The following CARMIL1 variants were observed in gnomAD, a reference collection of about 807,000 sequenced individuals.
CARMIL1 encodes the protein F-actin-uncapping protein LRRC16A.
CARMIL1 carries 90 observed loss-of-function variants against 177.1 expected under a neutral mutation model. The ratio of observed to expected loss-of-function variants is 0.51; its 90% CI spans 0.43 to 0.61. The LOEUF is 0.61. Among genes scored for constraint, CARMIL1 ranks in the 20% least tolerant of loss-of-function variants. CARMIL1 has a pLI of 0.00. For synonymous variants in CARMIL1, 577 were observed against 606.2 expected, an observed-to-expected ratio of 0.95 and a Z score of 0.71; for missense variants, 1,380 against 1,667.0, an observed-to-expected ratio of 0.83 and a Z score of 3.00.
intron 31 of CARMIL1, among the ~76,000 whole-genome samples, chr6:25,585,292 GTTGT>G (rs1466757778): frequency 6.6e-6 from 1 of 152,100 alleles, no homozygotes; most frequent in Non-Finnish European, 1.5e-5. Flanking sequence ...AACAATTATC[GTTGT>G]TTTTCTTCCT....
chr6:25,518,408 G>T (rs1806222697), intron 22 of CARMIL1, among the ~76,000 whole-genome samples: 1 of 152,108 alleles, frequency 6.6e-6, no homozygotes. Context: ...AAATCCTGTG[G>T]CTCTACTTCA....
chr6:25,560,250 T>A (rs1422118546), intron 29 of CARMIL1, among the ~76,000 whole-genome samples: 1 of 152,214 alleles, frequency 6.6e-6, no homozygotes, highest in African/African-American at 2.4e-5. Flanking sequence ...GAATTTTGTT[T>A]GTTTCCCATA....
At chr6:25,538,032 T>A in intron 25 of CARMIL1, 49 bp downstream of exon 25, 5 of 1,515,568 alleles carry the variant, frequency 3.3e-6, no homozygotes, top group Non-Finnish European at 4.4e-6. Flanking sequence ...TAAAAACGTT[T>A]CATAAAATTT....
intron 24 of CARMIL1, among the ~76,000 whole-genome samples, chr6:25,537,327 G>A (rs956689293): frequency 3.9e-5 from 6 of 152,052 alleles, no homozygotes; most frequent in African/African-American, 1.2e-4. Context: ...TAATTGAATC[G>A]ATTTTTAAAA....
At chr6:25,474,944 T>G (rs566606481) in intron 11 of CARMIL1, among the ~76,000 whole-genome samples, 21 of 152,266 alleles carry the variant, frequency 1.4e-4, no homozygotes, top group Non-Finnish European at 7.4e-5. Context: ...TCTCAGTGTT[T>G]AGAGAAATGC....
chr6:25,498,336 T>TAG (rs1212101352), intron 16 of CARMIL1, among the ~76,000 whole-genome samples: 1 of 152,200 alleles, frequency 6.6e-6, no homozygotes, highest in East Asian at 1.9e-4. Flanking sequence ...TTGCCATCAT[T>TAG]AGGTTAAAAT....
At chr6:25,391,901 A>T (rs4712928) in intron 2 of CARMIL1, among the ~76,000 whole-genome samples, 6,018 of 152,282 alleles carry the variant, frequency 0.04, 439 homozygotes, top group East Asian at 0.28. Flanking sequence ...TGAACTAAAA[A>T]ATTGTCCCTG....
intron 2 of CARMIL1, among the ~76,000 whole-genome samples, chr6:25,314,746 C>A (rs1784143248): frequency 6.6e-6 from 1 of 152,078 alleles, no homozygotes; most frequent in Non-Finnish European, 1.5e-5. Flanking sequence ...TATTGCAGGA[C>A]CTGGCTATGA....
intron 2 of CARMIL1, among the ~76,000 whole-genome samples, chr6:25,383,883 G>A (rs1310147307): frequency 6.6e-6 from 1 of 152,020 alleles, no homozygotes; most frequent in Non-Finnish European, 1.5e-5. Context: ...CTGTCGCCCA[G>A]GCTAGAGTGC....
At chr6:25,292,755 C>G (rs1782076117) in intron 2 of CARMIL1, among the ~76,000 whole-genome samples, 1 of 152,018 alleles carries the variant, frequency 6.6e-6, no homozygotes, top group African/African-American at 2.4e-5. Flanking sequence ...TGGGATTTAG[C>G]CACCCTTGGA....
intron 11 of CARMIL1, among the ~76,000 whole-genome samples, chr6:25,480,603 G>C: frequency 6.8e-6 from 1 of 147,594 alleles, no homozygotes; most frequent in East Asian, 2.0e-4. Flanking sequence ...CTTGTAATTT[G>C]AGTCTTTATA....
At chr6:25,371,534 A>G (rs781009804) in intron 2 of CARMIL1, among the ~76,000 whole-genome samples, 7 of 151,970 alleles carry the variant, frequency 4.6e-5, no homozygotes, top group Non-Finnish European at 1.0e-4. Flanking sequence ...TGTTTTGTAT[A>G]TTTGTTGGCC....
At chr6:25,593,636 C>A (rs1051693717) in intron 31 of CARMIL1, among the ~76,000 whole-genome samples, 1 of 152,228 alleles carries the variant, frequency 6.6e-6, no homozygotes, top group Non-Finnish European at 1.5e-5. Flanking sequence ...CAGGTGCTTT[C>A]CCCTTTCTGC....
intron 31 of CARMIL1, among the ~76,000 whole-genome samples, chr6:25,583,368 C>T (rs914547340): frequency 1.3e-5 from 2 of 152,228 alleles, no homozygotes; most frequent in Admixed American, 6.5e-5. Flanking sequence ...TCCTCCAGTG[C>T]CTGATGCTTA....
chr6:25,348,262 A>T (rs59821513), intron 2 of CARMIL1, among the ~76,000 whole-genome samples: 1 of 151,828 alleles, frequency 6.6e-6, no homozygotes, highest in African/African-American at 2.4e-5. Flanking sequence ...TCTCCCGAGT[A>T]GCTGGGATTA....
intron 16 of CARMIL1, 136 bp from the exon 17 acceptor site, chr6:25,500,030 A>G (rs527327276): frequency 1.5e-6 from 1 of 687,010 alleles, no homozygotes; most frequent in South Asian, 1.9e-5. Flanking sequence ...TTTAAAAAGT[A>G]AGAGGGTGCT....
At chr6:25,291,569 A>G (rs1280184609) in intron 2 of CARMIL1, among the ~76,000 whole-genome samples, 3 of 152,212 alleles carry the variant, frequency 2.0e-5, no homozygotes, top group African/African-American at 7.2e-5. Flanking sequence ...ACGGATATTC[A>G]TGCTGAAATT....
intron 11 of CARMIL1, among the ~76,000 whole-genome samples, chr6:25,479,807 C>G (rs1283684365): frequency 2.0e-5 from 3 of 152,004 alleles, no homozygotes; most frequent in Admixed American, 6.5e-5. Context: ...TGATTTCTCT[C>G]TAGGCATGGC....
At chr6:25,492,061 G>GT in intron 15 of CARMIL1, 37 bp downstream of exon 15, 1 of 1,570,050 alleles carries the variant, frequency 6.4e-7, no homozygotes, top group Non-Finnish European at 8.7e-7. Flanking sequence ...TCATCTGGAA[G>GT]TGTCTTCTTC....
Sources: gnomAD v4.1 joint callset for allele counts (sites outside exome capture counted in the v4.1 genomes callset) on GRCh38, gnomAD v4.1.1 for gene constraint, MANE v1.5 for transcripts, NCBI Gene and HGNC (gene_info 2026-07-23, HGNC 2026-07-21) for gene names.